Variants in TDRD10 observed in about 807,000 individuals in gnomAD.
TDRD10 encodes the protein tudor domain-containing protein 10.
Under a neutral mutation model 48.0 loss-of-function variants are expected in TDRD10, and 40 were observed. That is an observed-to-expected ratio of 0.83 (90% CI 0.65 to 1.09). The LOEUF is 1.09. Among genes scored for constraint, TDRD10 ranks in the 50% least tolerant of loss-of-function variants. TDRD10 has a pLI of 0.00. For synonymous variants in TDRD10, 162 were observed against 170.4 expected (o/e 0.95, Z 0.38); for missense variants, 378 against 434.7 (o/e 0.87, Z 1.16).
At chr1:154,541,444 T>A (rs956358711) in intron 6 of TDRD10, among the ~76,000 whole-genome samples, 5 of 151,412 alleles carry the variant, frequency 3.3e-5, no homozygotes, top group Non-Finnish European at 7.4e-5. Flanking sequence ...AAAGTCAAGG[T>A]GCGTGGGTGG....
chr1:154,542,696 C>A, intron 7 of TDRD10, 35 bp from the exon 8 acceptor site: 2 of 1,577,506 alleles, frequency 1.3e-6, no homozygotes, highest in South Asian at 2.2e-5. Context: ...CTGGGTAGTT[C>A]TGGTGCCTCC....
intron 6 of TDRD10, among the ~76,000 whole-genome samples, chr1:154,540,331 C>T (rs766340977): frequency 1.3e-5 from 2 of 151,610 alleles, no homozygotes; most frequent in African/African-American, 4.9e-5. Flanking sequence ...ATGAATTTGA[C>T]GTAGGGAGCT....
At chr1:154,508,513 TC>T (rs750145546) in intron 4 of TDRD10, 32 bp downstream of exon 4, 35 of 1,439,866 alleles carry the variant, frequency 2.4e-5, no homozygotes, top group Non-Finnish European at 3.0e-5. Context: ...CTGCTTATCT[TC>T]CTTGGCCTTC....
At chr1:154,516,254 T>C (rs1314899495) in intron 4 of TDRD10, among the ~76,000 whole-genome samples, 6 of 152,124 alleles carry the variant, frequency 3.9e-5, no homozygotes, top group Non-Finnish European at 8.8e-5. Flanking sequence ...TCCAAGGCGT[T>C]ATGTGTAATA....
Position 154,544,437 on chromosome 1 carries a change from C to T in TDRD10, c.717C>T (p.Tyr239=). ...TLAQAEEQQP[Y]LEGSTVMRGT... ...CTCAGGCGGAGGAGCAGCAGCCCTA[C>T]CTGGAGGGCTCCACCGTTATGCGCG... The change falls in exon 10 of 13, where the codon TAC becomes TAT. Residue 239 remains tyrosine (Y), a synonymous_variant. Coordinates refer to ENST00000368482, the MANE Select transcript of TDRD10 (RefSeq NM_182499.4). The T allele has an allele frequency of 1.9e-6, 3 of 1,610,988 alleles. No homozygotes were observed. The highest frequency in any genetic ancestry group is 2.5e-6 in the Non-Finnish European group (3 of 1,179,068).
At chr1:154,506,976 T>A (rs1693183795) in intron 2 of TDRD10, 71 bp downstream of exon 2, 3 of 1,613,742 alleles carry the variant, frequency 1.9e-6, no homozygotes, top group Admixed American at 3.3e-5. Context: ...CCCATTCCTG[T>A]CTCACCATGC....
intron 4 of TDRD10, among the ~76,000 whole-genome samples, chr1:154,512,624 G>A (rs563592579): frequency 1.4e-4 from 21 of 152,272 alleles, no homozygotes; most frequent in South Asian, 8.3e-4. Context: ...GATTACAGGC[G>A]AGAGGTACTG....
At chr1:154,512,244 T>C (rs563820434) in intron 4 of TDRD10, among the ~76,000 whole-genome samples, 15 of 152,360 alleles carry the variant, frequency 9.8e-5, no homozygotes, top group Admixed American at 7.8e-4. Flanking sequence ...AATAGAATCA[T>C]ACAATGTCGA....
At chr1:154,530,812 T>C (rs1306922272) in intron 6 of TDRD10, among the ~76,000 whole-genome samples, 1 of 152,086 alleles carries the variant, frequency 6.6e-6, no homozygotes, top group African/African-American at 2.4e-5. Context: ...TCCAGTCTGT[T>C]GTAGAGTTTA....
rs1557820746 is a variant in TDRD10 at position 154,520,395 on chromosome 1, GT to G, written c.212+25del. 2.5e-6 allele frequency: 4 copies of G among 1,601,700 alleles called. No homozygotes were observed. In the South Asian group the frequency reaches 4.4e-5, roughly 18 times the overall value. ...AAATGGTAATGACTGTTCTTTCTTT[GT>G]TTTCTTTGGGAAGCAGCTCCTTTCC... On this transcript the variant is annotated intron_variant, in intron 5 of 12. Transcript: ENST00000368482.
At chr1:154,539,787 A>G (rs983136526) in intron 6 of TDRD10, among the ~76,000 whole-genome samples, 1 of 152,274 alleles carries the variant, frequency 6.6e-6, no homozygotes, top group Non-Finnish European at 1.5e-5. Flanking sequence ...GAGACAAACA[A>G]GAAAATACCA....
chr1:154,529,867 C>T (rs1277473712), intron 6 of TDRD10, among the ~76,000 whole-genome samples: 1 of 152,102 alleles, frequency 6.6e-6, no homozygotes, highest in African/African-American at 2.4e-5. Flanking sequence ...TGTAATGTCC[C>T]AAAGTTCTAC....
Position 154,507,237 on chromosome 1 carries a change from A to C in TDRD10, c.3-4A>C. On this transcript the variant is annotated splice_region_variant and splice_polypyrimidine_tract_variant and intron_variant, in intron 2 of 12. Transcript: ENST00000368482. ...GGTTCGATGCTGACACCTGTGTTTG[A>C]CAGGTCCTGGAACATTAGTCACCCC... 1 of 1,613,916 alleles carries C rather than the reference A, an allele frequency of 6.2e-7. No individual in the cohort carries two copies. Among genetic ancestry groups the C allele is most frequent in the Non-Finnish European group, 8.5e-7 (1 of 1,180,002 alleles).
At position 154,542,989 on chromosome 1, in the gene TDRD10, T is replaced by G. The variant is rs184968813; in HGVS notation, c.503+168T>G. Among the ~76,000 whole-genome samples, 12 of 152,198 alleles carry G rather than the reference T, an allele frequency of 7.9e-5. No homozygotes were observed. The East Asian group carries it at 2.1e-3, about 27-fold the overall frequency. On this transcript the variant is annotated intron_variant, in intron 8 of 12. Transcript: ENST00000368482. The stretch of plus-strand genomic sequence containing the variant: ...ACCCACACTGACTTATAAAATCAGC[T>G]TCCCAGCCGGGGGCAGTGACTCATG...
intron 4 of TDRD10, among the ~76,000 whole-genome samples, chr1:154,518,711 G>T (rs1389026050): frequency 6.6e-6 from 1 of 152,178 alleles, no homozygotes; most frequent in Non-Finnish European, 1.5e-5. Context: ...TTACGGGCAG[G>T]TGAGCCACTG....
chr1:154,547,971 T>C lies in TDRD10; in HGVS notation c.*261T>C, dbSNP rs753473592. 1.8e-5 allele frequency: 10 copies of C among 557,344 alleles called. No homozygotes were observed. The highest frequency in any genetic ancestry group is 3.2e-5 in the Non-Finnish European group (10 of 315,466). The allele number at this position is 557,344 out of a possible 1,614,324, so 34.5% of individuals were successfully genotyped here. A position where few individuals can be genotyped will look rare whatever the true frequency, so the allele number is the denominator to read the frequency against. ...GGAAACTACCATTAGGTTGAAAGCC[T>C]GAGGCAGCTGGGATGGTCTTTCTTG... On this transcript the variant is annotated 3_prime_UTR_variant, in exon 13 of 13. Transcript: ENST00000368482.
rs924331257 is a variant in TDRD10, at chr1:154,516,015, C to T, written c.142-4289C>T. The stretch of plus-strand genomic sequence containing the variant: ...TACAGGCATGAGGCACCGTGCCTGG[C>T]CACCTGCTACTTACTCCCCTTAGTG... On this transcript the variant is annotated intron_variant, in intron 4 of 12. Coordinates refer to ENST00000368482, the MANE Select transcript of TDRD10 (RefSeq NM_182499.4). Among the ~76,000 whole-genome samples the T allele has an allele frequency of 3.9e-5, 6 of 152,262 alleles. No individual in the cohort carries two copies. In the South Asian group the frequency reaches 1.2e-3, roughly 32 times the overall value.
Position 154,526,920 on chromosome 1 carries a change from T to C in TDRD10, c.369+5441T>C, listed in dbSNP as rs1694351211. Among the ~76,000 whole-genome samples, 3 of 148,520 alleles carry C rather than the reference T, an allele frequency of 2.0e-5. No homozygotes were observed. The South Asian group carries it at 6.3e-4, about 31-fold the overall frequency. ...TTTTTTTTATTTTTTTATTATTAAT[T>C]ATTTTTTAGACAGAGTCTCGCTCTT... On this transcript the variant is annotated intron_variant, in intron 6 of 12. Coordinates refer to ENST00000368482, the MANE Select transcript of TDRD10 (RefSeq NM_182499.4).
chr1:154,506,929 G>A (rs780074238), intron 2 of TDRD10, 24 bp downstream of exon 2: 7 of 1,614,164 alleles, frequency 4.3e-6, no homozygotes, highest in Non-Finnish European at 5.9e-6. Context: ...TTTTGCTGAT[G>A]AGCAAGCCTC....
Sources: allele counts gnomAD v4.1 joint callset (sites outside exome capture counted in the v4.1 genomes callset), GRCh38; gene constraint gnomAD v4.1.1; transcripts MANE v1.5; gene names NCBI Gene and HGNC (gene_info 2026-07-23, HGNC 2026-07-21).